NEB: variants seen among roughly 807,000 people sequenced by gnomAD.
NEB encodes the protein nemaline myopathy type 2.
In NEB, 512 loss-of-function variants were observed where a neutral mutation model predicts 952.2. That is an observed-to-expected ratio of 0.54 (90% CI 0.50 to 0.58). The LOEUF is 0.58. NEB is among the 20% of genes least tolerant of loss of function. The pLI, the probability that NEB is intolerant of heterozygous loss-of-function variation, is 0.00. For synonymous variants in NEB, 2,900 were observed against 3,149.8 expected, an observed-to-expected ratio of 0.92 and a Z score of 2.66; for missense variants, 8,428 against 9,231.1, an observed-to-expected ratio of 0.91 and a Z score of 3.56.
chr2:151,496,260 T>G lies in NEB; in HGVS notation c.24486+16A>C. Reference sequence around the variant, plus strand: ...TTAAAATCAGTAAGTAGTTTTTTTCTTTTCTCGCCAAGTACCGAGCTAATA... The same window carrying G: ...TTAAAATCAGTAAGTAGTTTTTTTCGTTTCTCGCCAAGTACCGAGCTAATA... On this transcript the variant is annotated intron_variant, in intron 173 of 181. Transcript: ENST00000397345. 6.3e-7 allele frequency: 1 copy of G among 1,582,146 alleles called. No individual in the cohort carries two copies. Among genetic ancestry groups the G allele is most frequent in the Non-Finnish European group, 8.6e-7 (1 of 1,156,916 alleles).
At chr2:151,497,854 T>C in intron 170 of NEB, 136 bp from the exon 171 acceptor site, 5 of 1,514,098 alleles carry the variant, frequency 3.3e-6, no homozygotes, top group African/African-American at 1.4e-5. Flanking sequence ...CCGACTACTT[T>C]AGTGGAAGCT....
chr2:151,667,962 T>A lies in NEB; in HGVS notation c.4612-51A>T, dbSNP rs1244914413. 1.9e-5 allele frequency: 26 copies of A among 1,394,032 alleles called. No individual in the cohort carries two copies. In the South Asian group the frequency reaches 3.2e-4, roughly 17 times the overall value. The allele number at this position is 1,394,032 out of a possible 1,614,324, so 86.4% of individuals were successfully genotyped here. On this transcript the variant is annotated intron_variant, in intron 39 of 181. Coordinates refer to ENST00000397345, the MANE Select transcript of NEB (RefSeq NM_001164508.2). Reference sequence around the variant, plus strand: ...TTATTTGACATCATTAAAAGAGGAATGAAACAGAATGCCAAAATGTTTCTT... The same window carrying A: ...TTATTTGACATCATTAAAAGAGGAAAGAAACAGAATGCCAAAATGTTTCTT...
In NEB at chr2:151,619,595, C is replaced by T. The variant is rs1243548122; in HGVS notation, c.10728G>A (p.Val3576=). 1.9e-6 allele frequency: 3 copies of T among 1,613,958 alleles called. No homozygotes were observed. The highest frequency in any genetic ancestry group is 2.5e-6 in the Non-Finnish European group (3 of 1,179,864). The part of the protein sequence containing the change: ...EKYKTRYSSP[V]DMLGIVLAKK... ...TGGCCAAAACGATACCAAGCATGTC[C>T]ACTGGGCTGCTGTACCTTGTCTTGT... The change falls in exon 73 of 182, where the codon GTG becomes GTA. Residue 3576 remains valine (V), a synonymous_variant. Coordinates refer to ENST00000397345, the MANE Select transcript of NEB (RefSeq NM_001164508.2).
intron 10 of NEB, among the ~76,000 whole-genome samples, chr2:151,715,568 G>C (rs1215881645): frequency 2.6e-5 from 4 of 152,198 alleles, no homozygotes; most frequent in African/African-American, 9.7e-5. Flanking sequence ...AGGAAGAAGA[G>C]GAAGAGATCA....
intron 161 of NEB, among the ~76,000 whole-genome samples, chr2:151,511,908 T>C (rs2074698906): frequency 6.6e-6 from 1 of 152,156 alleles, no homozygotes. Context: ...ATAAGAGATT[T>C]TACATGTTAA....
intron 24 of NEB, chr2:151,689,197 C>CTTTTTTT (rs11305294): frequency 1.7e-5 from 1 of 57,898 alleles, no homozygotes. Flanking sequence ...GATATATACT[C>CTTTTTTT]TTTTTTTTTT....
intron 9 of NEB, among the ~76,000 whole-genome samples, chr2:151,719,148 A>G (rs754626202): frequency 2.6e-5 from 4 of 152,150 alleles, no homozygotes; most frequent in Non-Finnish European, 5.9e-5. Flanking sequence ...TTTTGTCTAC[A>G]TGTCTCTTTC....
rs552806247 is a variant in NEB at position 151,574,945 on chromosome 2, G to T, written c.17013+750C>A. Among the ~76,000 whole-genome samples the T allele has an allele frequency of 9.9e-5, 15 of 152,008 alleles. No homozygotes were observed. In the South Asian group the frequency reaches 2.9e-3, roughly 30 times the overall value. ...TGCAGAGATGGGGTCTCCCTATGTT[G>T]CCCAGACTAGTCTTGAACTCCTGGG... On this transcript the variant is annotated intron_variant, in intron 107 of 181. Coordinates refer to ENST00000397345, the MANE Select transcript of NEB (RefSeq NM_001164508.2).
Position 151,655,293 on chromosome 2 carries a change from G to A in NEB, c.6784C>T (p.Gln2262Ter). 1 of 1,587,986 alleles carries A rather than the reference G, an allele frequency of 6.3e-7. No homozygotes were observed. Among genetic ancestry groups the A allele is most frequent in the Non-Finnish European group, 8.6e-7 (1 of 1,160,024 alleles). ...PDTPDILQAK[Q>*]NQTLYSQKLY... ...ACCTGACTATACAGTGTTTGATTCT[G>A]CTTGGCTTGTAAAATATCTGGTGTA... Residue 2262 changes from glutamine to a stop codon, truncating the protein, a stop_gained, in exon 51 of 182, where the codon CAG (glutamine) becomes TAG (stop). Coordinates refer to ENST00000397345, the MANE Select transcript of NEB (RefSeq NM_001164508.2). LOFTEE classifies it high-confidence loss of function.
At chr2:151,529,779 C>T (rs2153479225) in intron 145 of NEB, among the ~76,000 whole-genome samples, 1 of 152,288 alleles carries the variant, frequency 6.6e-6, no homozygotes, top group South Asian at 2.1e-4. Context: ...TCCCGCCCAC[C>T]TCAGCCTTTC....
At chr2:151,647,400 G>A (rs192848765) in intron 54 of NEB, among the ~76,000 whole-genome samples, 10 of 152,240 alleles carry the variant, frequency 6.6e-5, no homozygotes, top group Admixed American at 2.0e-4. Flanking sequence ...GTGAGCCATC[G>A]TGCCCGGCTA....
intron 107 of NEB, among the ~76,000 whole-genome samples, chr2:151,572,577 G>A (rs973645075): frequency 2.2e-5 from 3 of 137,818 alleles, no homozygotes; most frequent in East Asian, 2.1e-4. Context: ...ACAGAGTCTC[G>A]CTCTGTCACC....
Position 151,679,737 on chromosome 2 carries a change from C to G in NEB, c.3239G>C (p.Arg1080Thr). The G allele has an allele frequency of 6.2e-7, 1 of 1,613,586 alleles. No individual in the cohort carries two copies. Among genetic ancestry groups the G allele is most frequent in the Admixed American group, 1.7e-5 (1 of 59,986 alleles). The change falls in exon 32 of 182, where the codon AGG becomes ACG. Residue 1080 changes from arginine (R) to threonine (T), a missense_variant. By Grantham distance (71) the Arg-to-Thr change is moderately conservative. Transcript: ENST00000397345. ...AIPIRAAKAA[R>T]QAASDVQYKK... ...TGGACTTACGTCACTCGCCGCCTGCCTGGCAGCTTTGGCAGCTCTGATGGG... is the reference window on the plus strand; with the variant it reads ...TGGACTTACGTCACTCGCCGCCTGCGTGGCAGCTTTGGCAGCTCTGATGGG...
intron 64 of NEB, among the ~76,000 whole-genome samples, 151 bp from the exon 65 acceptor site, chr2:151,634,116 C>T (rs2098714744): frequency 6.6e-6 from 1 of 152,126 alleles, no homozygotes; most frequent in African/African-American, 2.4e-5. Flanking sequence ...CCTGGAAGCC[C>T]TTACAGAGGT....
At chr2:151,523,494 A>C (rs2083387716) in intron 153 of NEB, among the ~76,000 whole-genome samples, 1 of 152,264 alleles carries the variant, frequency 6.6e-6, no homozygotes, top group Non-Finnish European at 1.5e-5. Context: ...AGGAAAAAGA[A>C]GGTAGGATCT....
At chr2:151,678,604 TG>T (rs1332318259) in intron 32 of NEB, among the ~76,000 whole-genome samples, 2 of 152,130 alleles carry the variant, frequency 1.3e-5, no homozygotes, top group Admixed American at 1.3e-4. Context: ...TTAGTAGTAG[TG>T]GTAGGATGTT....
intron 60 of NEB, among the ~76,000 whole-genome samples, chr2:151,641,190 A>G (rs984694745): frequency 2.0e-5 from 3 of 152,222 alleles, no homozygotes; most frequent in Admixed American, 6.5e-5. Context: ...TCTGCCACTA[A>G]AATAATTTGT....
chr2:151,697,034 T>A (rs1026968532), intron 16 of NEB, 114 bp downstream of exon 16: 1 of 762,158 alleles, frequency 1.3e-6, no homozygotes, highest in Non-Finnish European at 2.1e-6. Flanking sequence ...AGACTTCATT[T>A]CTTGCGATTG....
In NEB at chr2:151,707,019, A is replaced by T. The variant is rs1362320754; in HGVS notation, c.1036-22T>A. Reference sequence around the variant, plus strand: ...TTACCTGTAGGAGTGAAATAAAATGATAAAGTAACTCTATGGGTTATTTTT... The same window carrying T: ...TTACCTGTAGGAGTGAAATAAAATGTTAAAGTAACTCTATGGGTTATTTTT... On this transcript the variant is annotated intron_variant, in intron 12 of 181. Coordinates refer to ENST00000397345, the MANE Select transcript of NEB (RefSeq NM_001164508.2). The T allele has an allele frequency of 3.4e-6, 5 of 1,461,200 alleles. No individual in the cohort carries two copies. The South Asian group carries it at 5.0e-5, about 14-fold the overall frequency. 90.5% of individuals were successfully genotyped at this position (1,461,200 alleles called of 1,614,324 possible). A position where few individuals can be genotyped will look rare whatever the true frequency, so the allele number is the denominator to read the frequency against.
Sources: allele counts gnomAD v4.1 joint callset (sites outside exome capture counted in the v4.1 genomes callset), GRCh38; gene constraint gnomAD v4.1.1; transcripts MANE v1.5; gene names NCBI Gene and HGNC (gene_info 2026-07-23, HGNC 2026-07-21).